CYSTM1: variants seen among roughly 807,000 people sequenced by gnomAD.
CYSTM1 encodes the protein cysteine rich transmembrane module containing 1, also known as cysteine-rich transmembrane module-containing protein 1.
A neutral mutation model predicts 13.1 loss-of-function variants in CYSTM1; 4 were observed. That is an observed-to-expected ratio of 0.31 (90% confidence interval 0.15 to 0.70). The LOEUF is 0.70. Ranked by LOEUF, CYSTM1 falls within the 30% of genes least tolerant of loss-of-function variation. CYSTM1 has a pLI of 0.72. For synonymous variants in CYSTM1, 36 were observed against 42.7 expected (o/e 0.84, Z 0.62); for missense variants, 96 against 121.6 (o/e 0.79, Z 0.99).
intron 2 of CYSTM1, among the ~76,000 whole-genome samples, chr5:140,214,050 C>G (rs1764401475): frequency 6.6e-6 from 1 of 152,226 alleles, no homozygotes. Context: ...AATTGCAACT[C>G]TCTTCACAAA....
intron 2 of CYSTM1, among the ~76,000 whole-genome samples, chr5:140,242,177 A>G (rs2126674494): frequency 6.6e-6 from 1 of 152,264 alleles, no homozygotes; most frequent in East Asian, 1.9e-4. Context: ...TGCTGAGTGG[A>G]GCCAAATGCA....
At chr5:140,216,029 A>C (rs6872766) in intron 2 of CYSTM1, among the ~76,000 whole-genome samples, 35,107 of 151,930 alleles carry the variant, frequency 0.23, 4,093 homozygotes, top group African/African-American at 0.25. Flanking sequence ...GTAGTCCCAG[A>C]TATTTGGGAG....
At chr5:140,205,294 GGT>G (rs1379226175) in intron 2 of CYSTM1, among the ~76,000 whole-genome samples, 1 of 152,174 alleles carries the variant, frequency 6.6e-6, no homozygotes, top group East Asian at 1.9e-4. Flanking sequence ...CACTCTTCTT[GGT>G]GTCTTATGCT....
chr5:140,217,909 C>T (rs529940855), intron 2 of CYSTM1, among the ~76,000 whole-genome samples: 10 of 152,204 alleles, frequency 6.6e-5, no homozygotes, highest in African/African-American at 2.4e-4. Flanking sequence ...CATTGCAGTC[C>T]TCAACATTTT....
rs1184648277 is a variant in CYSTM1 at position 140,222,274 on chromosome 5, A to T, written c.188-21031A>T. On this transcript the variant is annotated intron_variant, in intron 2 of 2. Coordinates refer to ENST00000261811, the MANE Select transcript of CYSTM1 (RefSeq NM_032412.4). ...TCTGCTTTTGTTTCATCCAATTCTT[A>T]TACAACATTTAGAATTATTGGAATT... 2.8e-4 allele frequency among the ~76,000 whole-genome samples: 42 copies of T among 152,230 alleles called. 1 individual carries two copies. The highest frequency in any genetic ancestry group is 7.3e-5 in the Non-Finnish European group (5 of 68,042).
chr5:140,176,298 G>A (rs1377275173), intron 1 of CYSTM1, among the ~76,000 whole-genome samples: 2 of 152,168 alleles, frequency 1.3e-5, no homozygotes, highest in Admixed American at 1.3e-4. Flanking sequence ...TGAAATACTT[G>A]TAACCGACAA....
At chr5:140,190,240 A>C (rs963411431) in intron 1 of CYSTM1, among the ~76,000 whole-genome samples, 5 of 152,040 alleles carry the variant, frequency 3.3e-5, no homozygotes, top group African/African-American at 9.6e-5. Context: ...AAACAACTGC[A>C]AAAAAAACCC....
At chr5:140,206,638 G>GT (rs1554132670) in intron 2 of CYSTM1, among the ~76,000 whole-genome samples, 1 of 151,332 alleles carries the variant, frequency 6.6e-6, no homozygotes, top group African/African-American at 2.4e-5. Context: ...TTGTTTGTTT[G>GT]TTTCTTTTTT....
At chr5:140,225,372 A>G (rs1026571318) in intron 2 of CYSTM1, among the ~76,000 whole-genome samples, 1 of 152,128 alleles carries the variant, frequency 6.6e-6, no homozygotes, top group African/African-American at 2.4e-5. Context: ...TAGGCCTTCA[A>G]TCAGTGGGAG....
In CYSTM1 at chr5:140,194,303, A is replaced by G; in HGVS notation, c.-20-143A>G. The G allele has an allele frequency of 5.3e-6, 4 of 753,568 alleles. No homozygotes were observed. The South Asian group carries it at 9.4e-5, about 18-fold the overall frequency. 46.7% of individuals were successfully genotyped at this position (753,568 alleles called of 1,614,324 possible). On this transcript the variant is annotated intron_variant, in intron 1 of 2. Coordinates refer to ENST00000261811, the MANE Select transcript of CYSTM1 (RefSeq NM_032412.4). ...GCCAATTATAGTGATGGTGAGAAGGAAACAAAATGGGCAGAGCTAGAGATT... is the reference window on the plus strand; with the variant it reads ...GCCAATTATAGTGATGGTGAGAAGGGAACAAAATGGGCAGAGCTAGAGATT...
At chr5:140,204,940 A>C (rs1030122962) in intron 2 of CYSTM1, among the ~76,000 whole-genome samples, 1 of 152,036 alleles carries the variant, frequency 6.6e-6, no homozygotes, top group South Asian at 2.1e-4. Flanking sequence ...ATAAGTCCAG[A>C]TATTGGGGTT....
chr5:140,235,648 G>A lies in CYSTM1; in HGVS notation c.188-7657G>A, dbSNP rs982398285. Among the ~76,000 whole-genome samples the A allele has an allele frequency of 4.6e-5, 7 of 152,118 alleles. No homozygotes were observed. In the South Asian group the frequency reaches 1.2e-3, roughly 27 times the overall value. ...TCTCGATCTTCTGACCTCATGATCC[G>A]CCCACCTCAGCCTCCCAAAGTGCTG... is the stretch of plus-strand genomic sequence containing the variant. On this transcript the variant is annotated intron_variant, in intron 2 of 2. Transcript: ENST00000261811.
intron 2 of CYSTM1, among the ~76,000 whole-genome samples, chr5:140,217,602 T>C (rs917896576): frequency 1.3e-5 from 2 of 152,170 alleles, no homozygotes. Context: ...AGCCCCTTTC[T>C]AGAAAATTCA....
At chr5:140,180,938 T>G (rs1335831384) in intron 1 of CYSTM1, among the ~76,000 whole-genome samples, 1 of 152,226 alleles carries the variant, frequency 6.6e-6, no homozygotes, top group East Asian at 1.9e-4. Flanking sequence ...CCTGATTATT[T>G]GTACTAAAGA....
chr5:140,200,577 T>TTTTTTTTTTTTTTTTTTTC (rs1764214538), intron 2 of CYSTM1: 1 of 147,620 alleles, frequency 6.8e-6, no homozygotes, highest in African/African-American at 2.5e-5. Flanking sequence ...TTTTTTTTTT[T>TTTTTTTTTTTTTTTTTTTC]TGAGGCAGAG....
At chr5:140,233,006 G>C (rs1212297338) in intron 2 of CYSTM1, among the ~76,000 whole-genome samples, 1 of 152,128 alleles carries the variant, frequency 6.6e-6, no homozygotes, top group African/African-American at 2.4e-5. Context: ...CTGAACAGTA[G>C]CAACAGTCTA....
intron 2 of CYSTM1, 95 bp from the exon 3 acceptor site, chr5:140,243,210 C>A: frequency 1.1e-6 from 1 of 950,860 alleles, no homozygotes; most frequent in East Asian, 2.5e-5. Context: ...TAGTTTTCCC[C>A]TGGTGTAGCC....
intron 1 of CYSTM1, among the ~76,000 whole-genome samples, chr5:140,180,569 T>C (rs1763950892): frequency 6.6e-6 from 1 of 152,236 alleles, no homozygotes; most frequent in African/African-American, 2.4e-5. Context: ...TCACACCATT[T>C]TGGGCACTAC....
intron 1 of CYSTM1, among the ~76,000 whole-genome samples, chr5:140,187,976 CAA>C (rs1215845722): frequency 1.3e-5 from 2 of 149,002 alleles, no homozygotes; most frequent in Admixed American, 6.7e-5. Flanking sequence ...AGATCATTAA[CAA>C]GAGGAAAATA....
Sources: gnomAD v4.1 joint callset for allele counts (sites outside exome capture counted in the v4.1 genomes callset) on GRCh38, gnomAD v4.1.1 for gene constraint, MANE v1.5 for transcripts, NCBI Gene and HGNC (gene_info 2026-07-23, HGNC 2026-07-21) for gene names.